KLRG1: variants seen among roughly 807,000 people sequenced by gnomAD.
The protein encoded by KLRG1 is killer cell lectin like receptor G1, also known as killer cell lectin-like receptor subfamily G member 1.
KLRG1 carries 16 observed loss-of-function variants against 21.8 expected under a neutral mutation model. That is an observed-to-expected ratio of 0.73 (90% CI 0.50 to 1.11). KLRG1 has a LOEUF of 1.11. KLRG1 is among the 50% of genes most tolerant of loss of function. KLRG1 has a pLI of 0.00. For missense variants in KLRG1, 173 were observed against 218.3 expected (o/e 0.79, Z 1.31); for synonymous variants, 69 against 75.9 (o/e 0.91, Z 0.47).
intron 3 of KLRG1, among the ~76,000 whole-genome samples, chr12:9,003,190 A>C (rs1385139053): frequency 6.6e-6 from 1 of 152,168 alleles, no homozygotes; most frequent in Non-Finnish European, 1.5e-5. Flanking sequence ...TGCAGATTCT[A>C]ACTGAAATTT....
the KLRG1 span, chr12:9,158,387 G>A: frequency 6.2e-7 from 1 of 1,611,564 alleles, no homozygotes; most frequent in African/African-American, 1.3e-5. Context: ...ATGTTGATGT[G>A]TGTCAGGCTC....
At chr12:9,184,268 C>G in the KLRG1 span, among the ~76,000 whole-genome samples, 1 of 152,202 alleles carries the variant, frequency 6.6e-6, no homozygotes, top group African/African-American at 2.4e-5. Context: ...CCTGCCAGCA[C>G]CCTGCCCCTG....
At chr12:9,014,761 A>G (rs751436874), downstream of KLRG1, among the ~76,000 whole-genome samples, 3 of 152,240 alleles carry the variant, frequency 2.0e-5, no homozygotes, top group East Asian at 5.8e-4. Context: ...TTGAGTAGAA[A>G]GACTAAAAGA....
chr12:9,133,720 C>T, the KLRG1 span, among the ~76,000 whole-genome samples: 2 of 152,042 alleles, frequency 1.3e-5, no homozygotes, highest in Non-Finnish European at 2.9e-5. Context: ...ATAAAGTATT[C>T]AAGATTAGAG....
chr12:9,039,078 G>T, the KLRG1 span, among the ~76,000 whole-genome samples: 5 of 152,198 alleles, frequency 3.3e-5, no homozygotes, highest in African/African-American at 1.2e-4. Context: ...TCTGGTTGGA[G>T]AATAAAGCTC....
At chr12:9,081,109 A>G in the KLRG1 span, among the ~76,000 whole-genome samples, 1 of 152,224 alleles carries the variant, frequency 6.6e-6, no homozygotes, top group Admixed American at 6.5e-5. Context: ...ACCAAGTGAA[A>G]GAAAATATCT....
chr12:9,035,844 G>C, the KLRG1 span, among the ~76,000 whole-genome samples: 20 of 152,182 alleles, frequency 1.3e-4, no homozygotes, highest in Admixed American at 1.2e-3. Flanking sequence ...ATTCTTTGCA[G>C]CAACATGGAT....
chr12:9,129,097 A>G, the KLRG1 span, among the ~76,000 whole-genome samples: 1 of 152,290 alleles, frequency 6.6e-6, no homozygotes, highest in Non-Finnish European at 1.5e-5. Context: ...AGATAGTTTC[A>G]AGAAATAACC....
At chr12:9,119,311 T>C in the KLRG1 span, among the ~76,000 whole-genome samples, 3 of 152,230 alleles carry the variant, frequency 2.0e-5, no homozygotes, top group African/African-American at 4.8e-5. Flanking sequence ...TAGCATTCAT[T>C]TGATGCCTCA....
At chr12:9,134,252 A>C in the KLRG1 span, among the ~76,000 whole-genome samples, 1 of 152,054 alleles carries the variant, frequency 6.6e-6, no homozygotes, top group Non-Finnish European at 1.5e-5. Context: ...ATCATTCCCC[A>C]CCTCAAGTGC....
intron 1 of KLRG1, among the ~76,000 whole-genome samples, chr12:8,951,790 A>G (rs886182028): frequency 4.6e-5 from 7 of 152,176 alleles, no homozygotes; most frequent in African/African-American, 1.7e-4. Context: ...CAGAAATCTT[A>G]CCTCTTGGTG....
chr12:8,981,608 CTG>C, intron 1 of KLRG1, among the ~76,000 whole-genome samples: 1 of 151,762 alleles, frequency 6.6e-6, no homozygotes, highest in Middle Eastern at 3.4e-3. Flanking sequence ...TAAAATATAT[CTG>C]TAAGATTTTA....
At chr12:9,169,312 TC>T in the KLRG1 span, 37 of 1,035,376 alleles carry the variant, frequency 3.6e-5, no homozygotes, top group Non-Finnish European at 4.7e-5. Flanking sequence ...TTCATTTTTG[TC>T]TGCTGAAAAA....
the KLRG1 span, chr12:9,095,557 A>G: frequency 6.2e-7 from 1 of 1,612,444 alleles, no homozygotes; most frequent in African/African-American, 1.3e-5. Flanking sequence ...AGCTGTACAT[A>G]TCCTTTTCAT....
the KLRG1 span, chr12:9,110,178 C>T: frequency 1.8e-6 from 2 of 1,114,896 alleles, no homozygotes; most frequent in Admixed American, 2.5e-5. Flanking sequence ...GAGTTATAGC[C>T]ATCTAGCTCT....
the KLRG1 span, among the ~76,000 whole-genome samples, chr12:9,186,896 T>C: frequency 6.6e-6 from 1 of 151,726 alleles, no homozygotes; most frequent in African/African-American, 2.4e-5. Context: ...AAATACCTAA[T>C]ATAGATGACA....
chr12:9,094,774 C>G, the KLRG1 span, among the ~76,000 whole-genome samples: 1 of 152,136 alleles, frequency 6.6e-6, no homozygotes, highest in Non-Finnish European at 1.5e-5. Context: ...GAAACTTTCT[C>G]TTTCCTTTCA....
chr12:9,109,436 T>C, the KLRG1 span: 2 of 1,563,476 alleles, frequency 1.3e-6, no homozygotes, highest in South Asian at 1.1e-5. Flanking sequence ...AGGTTGGTGA[T>C]TGGTTTTCAA....
At chr12:8,959,260 G>A (rs114138339) in intron 1 of KLRG1, among the ~76,000 whole-genome samples, 2,687 of 152,232 alleles carry the variant, frequency 0.018, 74 homozygotes, top group African/African-American at 0.06. Flanking sequence ...ATCTGGGGTC[G>A]CAAGATTTAG....
Sources: gnomAD v4.1 joint callset for allele counts (sites outside exome capture counted in the v4.1 genomes callset) on GRCh38, gnomAD v4.1.1 for gene constraint, MANE v1.5 for transcripts, NCBI Gene and HGNC (gene_info 2026-07-23, HGNC 2026-07-21) for gene names.